Variants in BRD8 observed in about 807,000 individuals in gnomAD.
The protein encoded by BRD8 is bromodomain containing 8.
A neutral mutation model predicts 143.1 loss-of-function variants in BRD8; 67 were observed. The observed-to-expected ratio is 0.47, with a 90% confidence interval of 0.38 to 0.57. The LOEUF (loss-of-function observed/expected upper bound fraction) is 0.57. BRD8 is among the 20% of genes least tolerant of loss of function. BRD8 has a pLI of 0.00. For missense variants in BRD8, 1,103 were observed against 1,503.0 expected, an observed-to-expected ratio of 0.73 and a Z score of 4.40; for synonymous variants, 505 against 517.1, an observed-to-expected ratio of 0.98 and a Z score of 0.32.
In BRD8 at chr5:138,149,703, GCAT is replaced by G; in HGVS notation, c.3212_3214del (p.Asp1071del). 6.2e-7 allele frequency: 1 copy of G among 1,613,738 alleles called. No individual in the cohort carries two copies. The highest frequency in any genetic ancestry group is 8.5e-7 in the Non-Finnish European group (1 of 1,179,848). ...CAAGGGAGTCTCCTTAATGTTAAAG[GCAT>G]CATCACACTCGCCTGAAGGGGGCTG... On this transcript the variant is annotated inframe_deletion, in exon 23 of 27. Coordinates refer to ENST00000254900, the MANE Select transcript of BRD8 (RefSeq NM_139199.2).
At position 138,148,157 on chromosome 5, in the gene BRD8, TG is replaced by T. The variant is rs1473668685; in HGVS notation, c.3278+1482del. Among the ~76,000 whole-genome samples, 383 of 80,720 alleles carry T rather than the reference TG, an allele frequency of 4.7e-3. 1 individual carries two copies. The highest frequency in any genetic ancestry group is 0.036 in the Middle Eastern group (4 of 110). The allele number at this position is 80,720 out of a possible 152,430, so 53.0% of individuals were successfully genotyped here. On this transcript the variant is annotated intron_variant, in intron 23 of 26. Transcript: ENST00000254900. ...AATACACTAACAATAGCTGATGAGCTGGAAAAAAAAAAAAAAAAAGAAAAAA... is the reference window on the plus strand; with the variant it reads ...AATACACTAACAATAGCTGATGAGCTGAAAAAAAAAAAAAAAAAGAAAAAA...
At chr5:138,155,189 G>A (rs1256692441) in intron 20 of BRD8, among the ~76,000 whole-genome samples, 2 of 150,890 alleles carry the variant, frequency 1.3e-5, no homozygotes, top group African/African-American at 4.9e-5. Context: ...GCTTATGTCT[G>A]TAATCCTAGC....
Position 138,171,030 on chromosome 5 carries a change from A to G in BRD8, c.359+8T>C, listed in dbSNP as rs1753824640. ...TCTCAATTTTTTGGCATTCTCTCTG[A>G]TAAGTACCTATATCTCTCCTGGGTT... On this transcript the variant is annotated splice_region_variant and intron_variant, in intron 5 of 26. Coordinates refer to ENST00000254900, the MANE Select transcript of BRD8 (RefSeq NM_139199.2). The G allele has an allele frequency of 6.2e-7, 1 of 1,613,326 alleles. No homozygotes were observed. Among genetic ancestry groups the G allele is most frequent in the Non-Finnish European group, 8.5e-7 (1 of 1,179,810 alleles).
At chr5:138,159,411 G>C in intron 20 of BRD8, 144 bp downstream of exon 20, 1 of 837,744 alleles carries the variant, frequency 1.2e-6, no homozygotes, top group African/African-American at 1.7e-5. Flanking sequence ...CAGAAGAAAA[G>C]AGTTTCTTAT....
At chr5:138,157,148 C>G in intron 20 of BRD8, 1 of 1,605,128 alleles carries the variant, frequency 6.2e-7, no homozygotes, top group South Asian at 1.1e-5. Flanking sequence ...CCCGCAAGCC[C>G]AAGCTCTATC....
intron 20 of BRD8, among the ~76,000 whole-genome samples, chr5:138,158,082 G>T (rs1752720551): frequency 6.6e-6 from 1 of 152,202 alleles, no homozygotes; most frequent in South Asian, 2.1e-4. Context: ...AAATAAAAAG[G>T]TGGTAACCTT....
At chr5:138,140,266 C>CT (rs1751848851) in intron 26 of BRD8, 100 bp from the exon 27 acceptor site, 5 of 856,464 alleles carry the variant, frequency 5.8e-6, no homozygotes, top group African/African-American at 1.7e-5. Context: ...ATACTTTTTT[C>CT]TTTAAAGTAT....
rs1318824154 is a variant in BRD8, at chr5:138,152,511, G to A, written c.2827C>T (p.His943Tyr). 1 of 1,614,180 alleles carries A rather than the reference G, an allele frequency of 6.2e-7. No homozygotes were observed. The highest frequency in any genetic ancestry group is 1.7e-5 in the Admixed American group (1 of 60,028). ...GAGAGAAAGTGGAGGAGGTTCTGGT[G>A]GCTGGCTTTCCTTGCCGCTTCCTGA... The part of the protein sequence containing the change: ...ESQEAARKAS[H>Y]QNLLHFLSEV... Residue 943 changes from histidine (H) to tyrosine (Y), a missense_variant, in exon 21 of 27, where the codon CAC (histidine) becomes TAC (tyrosine). This residue lies in a region of BRD8 where 369 missense variants were observed against 445.5 expected (regional missense o/e 0.83). Coordinates refer to ENST00000254900, the MANE Select transcript of BRD8 (RefSeq NM_139199.2).
rs999897147 is a variant in BRD8, at chr5:138,152,587, C to G, written c.2751G>C (p.Pro917=). The change falls in exon 21 of 27, where the codon CCG becomes CCC. Residue 917 remains proline (P), a synonymous_variant. Transcript: ENST00000254900. ...PEAEELEESS[P]EREPSELLVG... ...CAAGCAGTTCACTAGGTTCTCTCTC[C>G]GGGCTGCTTTCCTCTAGTTCCTCAG... The G allele has an allele frequency of 6.2e-7, 1 of 1,614,138 alleles. No homozygotes were observed. Among genetic ancestry groups the G allele is most frequent in the Non-Finnish European group, 8.5e-7 (1 of 1,180,022 alleles).
chr5:138,175,370 A>G (rs532458641), intron 2 of BRD8, among the ~76,000 whole-genome samples: 2 of 152,284 alleles, frequency 1.3e-5, no homozygotes, highest in Admixed American at 6.5e-5. Flanking sequence ...TAAATTCATA[A>G]TGGATGATTC....
chr5:138,170,186 T>G (rs1308291340), intron 7 of BRD8, among the ~76,000 whole-genome samples, 159 bp downstream of exon 7: 1 of 152,146 alleles, frequency 6.6e-6, no homozygotes, highest in East Asian at 1.9e-4. Flanking sequence ...GTTCTAGGAG[T>G]TTCTTCTTAA....
Position 138,165,001 on chromosome 5 carries a change from G to T in BRD8, c.1444C>A (p.Gln482Lys). 5.6e-6 allele frequency: 9 copies of T among 1,614,102 alleles called. No homozygotes were observed. Among genetic ancestry groups the T allele is most frequent in the Non-Finnish European group, 7.6e-6 (9 of 1,180,026 alleles). Residue 482 changes from glutamine to lysine, a missense_variant, in exon 12 of 27, where the codon CAA becomes AAA. By Grantham distance (53) the Gln-to-Lys change is moderately conservative (BLOSUM62 1). Around this residue, in one of 7 missense-constraint regions of BRD8, gnomAD observed 139 missense variants for 139.0 expected, o/e 1.00. Coordinates refer to ENST00000254900, the MANE Select transcript of BRD8 (RefSeq NM_139199.2). ...PLPAPEMTVK[Q>K]ERLDFEETEN... ...GTTTCCTCAAAGTCCAGTCTCTCTT[G>T]CTTGACCGTCATTTCTGGTGCAGGG...
intron 14 of BRD8, 157 bp from the exon 15 acceptor site, chr5:138,163,501 C>A: frequency 4.4e-6 from 6 of 1,374,206 alleles, no homozygotes; most frequent in Non-Finnish European, 4.9e-6. Context: ...CATCTACTTA[C>A]AGACACTGCG....
chr5:138,152,441 T>C (rs1281424978), intron 21 of BRD8, 41 bp downstream of exon 21: 6 of 1,604,732 alleles, frequency 3.7e-6, no homozygotes, highest in Non-Finnish European at 5.1e-6. Context: ...TCTTAGAAAG[T>C]TGAGGCTTTT....
chr5:138,152,928 A>G (rs1752427328), intron 20 of BRD8, among the ~76,000 whole-genome samples, 168 bp from the exon 21 acceptor site: 1 of 152,244 alleles, frequency 6.6e-6, no homozygotes, highest in African/African-American at 2.4e-5. Context: ...ATGAGATGAA[A>G]TTATATTTGT....
chr5:138,173,546 C>T (rs1278705297), intron 2 of BRD8, among the ~76,000 whole-genome samples: 3 of 151,830 alleles, frequency 2.0e-5, no homozygotes, highest in Non-Finnish European at 4.4e-5. Flanking sequence ...TGTGTATACA[C>T]ACACACACAC....
chr5:138,172,791 C>A, intron 2 of BRD8: 1 of 423,834 alleles, frequency 2.4e-6, no homozygotes, highest in Admixed American at 2.7e-5. Flanking sequence ...AGTCAAGAGG[C>A]TGCAGTGAGC....
intron 2 of BRD8, among the ~76,000 whole-genome samples, chr5:138,172,476 T>C (rs1753943766): frequency 8.2e-6 from 1 of 121,744 alleles, no homozygotes; most frequent in East Asian, 2.6e-4. Flanking sequence ...TGGGCCGAGA[T>C]CTCACCACCG....
intron 20 of BRD8, 50 bp from the exon 21 acceptor site, chr5:138,152,810 C>T (rs1430807066): frequency 1.3e-6 from 2 of 1,568,590 alleles, no homozygotes; most frequent in African/African-American, 2.7e-5. Context: ...ATAAATATTC[C>T]TGAGGCATCT....
Sources: allele counts gnomAD v4.1 joint callset (sites outside exome capture counted in the v4.1 genomes callset), GRCh38; gene constraint gnomAD v4.1.1; regional missense constraint gnomAD v4.1.1; transcripts MANE v1.5; gene names NCBI Gene and HGNC (gene_info 2026-07-23, HGNC 2026-07-21).